BMPR1A: variants seen among roughly 807,000 people sequenced by gnomAD.
BMPR1A encodes bone morphogenetic protein receptor type-1A.
BMPR1A carries 7 observed loss-of-function variants against 66.0 expected under a neutral mutation model. The ratio of observed to expected loss-of-function variants is 0.11; its 90% CI spans 0.06 to 0.20. BMPR1A has a LOEUF of 0.20. Among genes scored for constraint, BMPR1A ranks in the 10% least tolerant of loss-of-function variants. The probability of loss-of-function intolerance (pLI) is 1.00; values close to 1 mark genes in which losing one functional copy is unlikely to be tolerated. For synonymous variants in BMPR1A, 200 were observed against 229.7 expected (o/e 0.87, Z 1.17); for missense variants, 408 against 669.1 (o/e 0.61, Z 4.31).
At chr10:86,914,835 A>G (rs571278014) in intron 8 of BMPR1A, among the ~76,000 whole-genome samples, 93 of 152,354 alleles carry the variant, frequency 6.1e-4, no homozygotes, top group Non-Finnish European at 1.1e-3. Context: ...TTTCCGTACA[A>G]TGAAGCAATC....
upstream of BMPR1A, chr10:86,756,451 C>T (rs1353764491): frequency 6.6e-6 from 1 of 151,466 alleles, no homozygotes; most frequent in Non-Finnish European, 1.5e-5. Context: ...GCGCTTCCGC[C>T]GTGCGCTCGG....
intron 2 of BMPR1A, among the ~76,000 whole-genome samples, chr10:86,851,674 T>C (rs1842569821): frequency 6.6e-6 from 1 of 152,166 alleles, no homozygotes; most frequent in Non-Finnish European, 1.5e-5. Context: ...ACATTGTAGT[T>C]ACTCTGGCAA....
chr10:86,894,268 T>A (rs1843195641), intron 5 of BMPR1A, among the ~76,000 whole-genome samples: 1 of 152,226 alleles, frequency 6.6e-6, no homozygotes, highest in South Asian at 2.1e-4. Context: ...CTAAGCCACA[T>A]CTCCTCCACT....
At chr10:86,766,851 G>C (rs1170315055) in intron 1 of BMPR1A, among the ~76,000 whole-genome samples, 4 of 148,240 alleles carry the variant, frequency 2.7e-5, no homozygotes, top group African/African-American at 1.0e-4. Flanking sequence ...TGGAGACCGA[G>C]TCTTGCTCTG....
intron 1 of BMPR1A, among the ~76,000 whole-genome samples, chr10:86,822,566 CTG>C (rs1842134542): frequency 6.6e-6 from 1 of 152,144 alleles, no homozygotes; most frequent in African/African-American, 2.4e-5. Flanking sequence ...CATGTATTAA[CTG>C]TGTGACTTTG....
intron 2 of BMPR1A, among the ~76,000 whole-genome samples, chr10:86,865,166 C>T (rs1243245139): frequency 6.6e-6 from 1 of 152,110 alleles, no homozygotes; most frequent in African/African-American, 2.4e-5. Flanking sequence ...CCTGCCCCAC[C>T]TTAACTGATG....
chr10:86,871,137 T>C (rs1271128309), intron 2 of BMPR1A, among the ~76,000 whole-genome samples: 1 of 152,182 alleles, frequency 6.6e-6, no homozygotes, highest in Non-Finnish European at 1.5e-5. Context: ...TTTGCCTGAC[T>C]GACTCTATTT....
chr10:86,757,904 C>G (rs763481341), intron 1 of BMPR1A, among the ~76,000 whole-genome samples: 1 of 152,122 alleles, frequency 6.6e-6, no homozygotes, highest in Non-Finnish European at 1.5e-5. Flanking sequence ...TTTGCAAACA[C>G]TTTTACGTTT....
intron 2 of BMPR1A, among the ~76,000 whole-genome samples, chr10:86,860,031 G>GT (rs1842692735): frequency 6.6e-6 from 1 of 152,018 alleles, no homozygotes; most frequent in East Asian, 1.9e-4. Context: ...CAACATGGTT[G>GT]TGCACTGTGG....
chr10:86,768,720 A>G (rs1206222333), intron 1 of BMPR1A, among the ~76,000 whole-genome samples: 2 of 152,182 alleles, frequency 1.3e-5, no homozygotes, highest in Non-Finnish European at 2.9e-5. Context: ...ATGTTGGCTT[A>G]TTTCTAGGTT....
rs1564685663 is a variant in BMPR1A at position 86,790,225 on chromosome 10, ATATATATAT to A, written c.-268+33307_-268+33315del. Among the ~76,000 whole-genome samples the A allele has an allele frequency of 1.1e-3, 97 of 91,192 alleles. 21 individuals are homozygous for A. Among genetic ancestry groups the A allele is most frequent in the Middle Eastern group, 5.4e-3 (1 of 186 alleles). The allele number at this position is 91,192 out of a possible 152,430, so 59.8% of individuals were successfully genotyped here. On this transcript the variant is annotated intron_variant, in intron 1 of 12. Coordinates refer to ENST00000372037, the MANE Select transcript of BMPR1A (RefSeq NM_004329.3). ...TATATATATATATATATATATATAT[ATATATATAT>A]ATCAAAACCACAATGAGATTCTGCT...
intron 1 of BMPR1A, among the ~76,000 whole-genome samples, chr10:86,799,848 C>T (rs1841786762): frequency 6.6e-6 from 1 of 152,048 alleles, no homozygotes; most frequent in Non-Finnish European, 1.5e-5. Flanking sequence ...AATTTCTTTC[C>T]CATCCCAAAC....
downstream of BMPR1A, chr10:86,932,821 A>C (rs1843823811): frequency 6.6e-6 from 1 of 152,250 alleles, no homozygotes; most frequent in Non-Finnish European, 1.5e-5. Context: ...CTGAAATAAA[A>C]TCTAACAGTA....
chr10:86,765,276 A>C (rs1020762413), intron 1 of BMPR1A, among the ~76,000 whole-genome samples: 3 of 152,028 alleles, frequency 2.0e-5, no homozygotes, highest in African/African-American at 7.2e-5. Flanking sequence ...TCACGAGGTC[A>C]GGAACTCGAG....
intron 1 of BMPR1A, among the ~76,000 whole-genome samples, chr10:86,837,247 C>CTGTGTGTGTGTCTG: frequency 7.2e-6 from 1 of 138,214 alleles, no homozygotes; most frequent in East Asian, 2.1e-4. Flanking sequence ...GTGTGTGTGT[C>CTGTGTGTGTGTCTG]TGTGTGTGTG....
rs1252256080 is a variant in BMPR1A, at chr10:86,790,189, ATATATATATATAT to A, written c.-268+33271_-268+33283del. 1.4e-3 allele frequency among the ~76,000 whole-genome samples: 18 copies of A among 13,210 alleles called. 2 individuals carry two copies. The highest frequency in any genetic ancestry group is 2.5e-3 in the Admixed American group (2 of 796). 8.7% of individuals were successfully genotyped at this position (13,210 alleles called of 152,430 possible). On this transcript the variant is annotated intron_variant, in intron 1 of 12. Coordinates refer to ENST00000372037, the MANE Select transcript of BMPR1A (RefSeq NM_004329.3). ...AAAAAAAAAAAAAAAAAAAAAAAAAATATATATATATATATATATATATATATATATATATATA... is the reference window on the plus strand; with the variant it reads ...AAAAAAAAAAAAAAAAAAAAAAAAAAATATATATATATATATATATATATA...
chr10:86,927,560 A>G lies in BMPR1A; in HGVS notation c.*3841A>G, dbSNP rs1390248748. The stretch of plus-strand genomic sequence containing the variant: ...TGAAGCCACGTGTAATGATGGTCCC[A>G]TAAGGAAAGTATGTGAATATGGCTC... On this transcript the variant is annotated 3_prime_UTR_variant, in exon 13 of 13. Coordinates refer to ENST00000372037, the MANE Select transcript of BMPR1A (RefSeq NM_004329.3). The G allele has an allele frequency of 2.5e-5, 5 of 200,508 alleles. No individual in the cohort carries two copies. In the East Asian group the frequency reaches 3.1e-4, roughly 12 times the overall value. The allele number at this position is 200,508 out of a possible 1,614,324, so 12.4% of individuals were successfully genotyped here. A position where few individuals can be genotyped will look rare whatever the true frequency, so the allele number is the denominator to read the frequency against.
chr10:86,877,872 C>A (rs908672484), intron 3 of BMPR1A, among the ~76,000 whole-genome samples: 1 of 152,144 alleles, frequency 6.6e-6, no homozygotes, highest in Non-Finnish European at 1.5e-5. Flanking sequence ...ATACAAAATT[C>A]TCAGTCTTCG....
chr10:86,884,793 AC>A (rs1843048294), intron 3 of BMPR1A, among the ~76,000 whole-genome samples: 1 of 152,120 alleles, frequency 6.6e-6, no homozygotes, highest in Non-Finnish European at 1.5e-5. Flanking sequence ...ATTATGGATG[AC>A]ACTGCATGTC....
Sources: allele counts gnomAD v4.1 joint callset (sites outside exome capture counted in the v4.1 genomes callset), GRCh38; gene constraint gnomAD v4.1.1; transcripts MANE v1.5; gene names NCBI Gene and HGNC (gene_info 2026-07-23, HGNC 2026-07-21).